ACTG2: variants seen among roughly 807,000 people sequenced by gnomAD.
ACTG2 encodes actin, gamma-enteric smooth muscle.
In ACTG2, 16 loss-of-function variants were observed where a neutral mutation model predicts 37.6. The observed-to-expected ratio is 0.43, with a 90% confidence interval of 0.29 to 0.65. ACTG2 has a LOEUF of 0.65. Among genes scored for constraint, ACTG2 ranks in the 30% least tolerant of loss-of-function variants. The pLI, the probability that ACTG2 is intolerant of heterozygous loss-of-function variation, is 0.18. For synonymous variants in ACTG2, 181 were observed against 179.9 expected, an observed-to-expected ratio of 1.01 and a Z score of -0.05; for missense variants, 238 against 490.9, an observed-to-expected ratio of 0.48 and a Z score of 4.87.
intron 3 of ACTG2, among the ~76,000 whole-genome samples, chr2:73,905,823 G>A (rs2104811763): frequency 6.6e-6 from 1 of 152,030 alleles, no homozygotes. Context: ...TATGCACAAA[G>A]ATAACTATCA....
intron 7 of ACTG2, 56 bp downstream of exon 7, chr2:73,914,927 G>C (rs907071403): frequency 3.9e-5 from 55 of 1,423,982 alleles, no homozygotes; most frequent in Non-Finnish European, 5.0e-5. Flanking sequence ...GGAGGAGTGG[G>C]TGAGGTATGG....
At chr2:73,919,220 C>T (rs912941081) in intron 8 of ACTG2, among the ~76,000 whole-genome samples, 1 of 152,324 alleles carries the variant, frequency 6.6e-6, no homozygotes, top group Middle Eastern at 3.4e-3. Context: ...ACACAATGCC[C>T]AGCCTTACAG....
chr2:73,900,491 C>T (rs547606207), intron 1 of ACTG2, among the ~76,000 whole-genome samples: 3 of 152,334 alleles, frequency 2.0e-5, no homozygotes, highest in South Asian at 4.1e-4. Context: ...CATCCCAGTT[C>T]GGATCTCAGC....
At chr2:73,900,573 T>TTCCTCTCTCC (rs1158399491) in intron 1 of ACTG2, among the ~76,000 whole-genome samples, 14 of 152,172 alleles carry the variant, frequency 9.2e-5, no homozygotes, top group African/African-American at 1.9e-4. Flanking sequence ...GTCCCTTCTT[T>TTCCTCTCTCC]TCCTCTCTCC....
chr2:73,902,035 G>C (rs930568421), intron 2 of ACTG2, among the ~76,000 whole-genome samples: 2 of 99,632 alleles, frequency 2.0e-5, no homozygotes, highest in African/African-American at 7.7e-5. Context: ...GTGTGTGTGT[G>C]TGTGTCTGTG....
chr2:73,919,823 A>G lies in ACTG2; in HGVS notation c.*248A>G. The G allele has an allele frequency of 3.0e-6, 1 of 334,712 alleles. No homozygotes were observed. 20.7% of individuals were successfully genotyped at this position (334,712 alleles called of 1,614,324 possible). A position where few individuals can be genotyped will look rare whatever the true frequency, so the allele number is the denominator to read the frequency against. On this transcript the variant is annotated 3_prime_UTR_variant, in exon 9 of 9. Coordinates refer to ENST00000345517, the MANE Select transcript of ACTG2 (RefSeq NM_001615.4). ...TCAGAGAAGTCAAGGACTTGCGAAG[A>G]TCACACAGATTCCAGATTAAAATTC...
At chr2:73,903,500 T>C (rs949460177) in intron 3 of ACTG2, among the ~76,000 whole-genome samples, 3 of 152,230 alleles carry the variant, frequency 2.0e-5, no homozygotes, top group African/African-American at 7.2e-5. Context: ...TTCCCATTTG[T>C]AAAGTGAAGA....
intron 6 of ACTG2, 32 bp downstream of exon 6, chr2:73,913,678 GCT>G (rs893736101): frequency 6.4e-7 from 1 of 1,573,898 alleles, no homozygotes; most frequent in African/African-American, 1.3e-5. Context: ...TCTGACTGGA[GCT>G]CAGAACCAAT....
At chr2:73,901,242 G>T (rs1632564) in intron 1 of ACTG2, 34 bp from the exon 2 acceptor site, 17 of 1,448,386 alleles carry the variant, frequency 1.2e-5, no homozygotes, top group South Asian at 1.4e-5. Flanking sequence ...TTTGACAAGT[G>T]GCTGACTAGT....
intron 1 of ACTG2, 86 bp from the exon 2 acceptor site, chr2:73,901,190 G>A (rs1340791965): frequency 4.4e-6 from 5 of 1,128,310 alleles, no homozygotes; most frequent in African/African-American, 1.6e-5. Flanking sequence ...CTGATTGCAG[G>A]TAGGGTCAGG....
intron 5 of ACTG2, among the ~76,000 whole-genome samples, chr2:73,912,248 C>G (rs1340851528): frequency 6.6e-6 from 1 of 152,224 alleles, no homozygotes; most frequent in East Asian, 1.9e-4. Context: ...ACCTCCACCT[C>G]CCGGGTTCAA....
At chr2:73,919,083 G>A (rs959374900) in intron 8 of ACTG2, among the ~76,000 whole-genome samples, 2 of 152,206 alleles carry the variant, frequency 1.3e-5, no homozygotes, top group East Asian at 3.8e-4. Flanking sequence ...AGGCTGAAGG[G>A]CTAGCTGCTT....
At position 73,913,517 on chromosome 2, in the gene ACTG2, CA is replaced by C; in HGVS notation, c.485del (p.His162ProfsTer30). ...CCTGGATTCAGGTGATGGCGTCACC[CA>C]CAATGTCCCCATCTATGAAGGCTAT... ...IVLDSGDGVT[H>X]NVPIYEGYAL... On this transcript the variant is annotated frameshift_variant, in exon 6 of 9. Transcript: ENST00000345517. LOFTEE classifies it high-confidence loss of function. 6.2e-7 allele frequency: 1 copy of C among 1,612,490 alleles called. No individual in the cohort carries two copies. The highest frequency in any genetic ancestry group is 1.1e-5 in the South Asian group (1 of 90,848).
chr2:73,915,433 T>C (rs542380820), intron 7 of ACTG2, among the ~76,000 whole-genome samples: 4 of 150,254 alleles, frequency 2.7e-5, no homozygotes, highest in African/African-American at 9.8e-5. Context: ...GGTGGGAGAA[T>C]CGCTTGAGCC....
rs34286914 is a variant in ACTG2 at position 73,913,489 on chromosome 2, C to T, written c.456C>T (p.Ile152=). The change falls in exon 6 of 9, where the codon ATC becomes ATT. Residue 152 remains isoleucine (I), a synonymous_variant. Coordinates refer to ENST00000345517, the MANE Select transcript of ACTG2 (RefSeq NM_001615.4). Reference sequence around the variant, plus strand: ...CCTGATCCTCTCTGTCCACAGGCATCGTCCTGGATTCAGGTGATGGCGTCA... The same window carrying T: ...CCTGATCCTCTCTGTCCACAGGCATTGTCCTGGATTCAGGTGATGGCGTCA... The part of the protein sequence containing the change: ...SLYASGRTTG[I]VLDSGDGVTH... 4.3e-3 allele frequency: 6,973 copies of T among 1,603,496 alleles called. 257 individuals carry two copies. In the African/African-American group the frequency reaches 0.081, roughly 19 times the overall value.
At chr2:73,908,393 G>A (rs992012787) in intron 3 of ACTG2, 1 of 540,608 alleles carries the variant, frequency 1.8e-6, no homozygotes, top group African/African-American at 1.9e-5. Context: ...CACAAAGGCA[G>A]GGGAGAGACT....
In ACTG2 at chr2:73,902,842, C is replaced by T. The variant is rs1558623226; in HGVS notation, c.255+354C>T. 2.3e-5 allele frequency: 32 copies of T among 1,412,252 alleles called. No homozygotes were observed. The East Asian group carries it at 2.7e-4, about 12-fold the overall frequency. 87.5% of individuals were successfully genotyped at this position (1,412,252 alleles called of 1,614,324 possible). A position where few individuals can be genotyped will look rare whatever the true frequency, so the allele number is the denominator to read the frequency against. Reference sequence around the variant, plus strand: ...AACCAACAGGGGGTTCCTAACTCCCCGTCTTGGCATTGGAGGACCTTTCCC... The same window carrying T: ...AACCAACAGGGGGTTCCTAACTCCCTGTCTTGGCATTGGAGGACCTTTCCC... On this transcript the variant is annotated intron_variant, in intron 3 of 8. Transcript: ENST00000345517.
intron 3 of ACTG2, among the ~76,000 whole-genome samples, chr2:73,903,511 T>TA (rs1244953981): frequency 1.3e-5 from 2 of 152,192 alleles, no homozygotes; most frequent in East Asian, 1.9e-4. Context: ...AAAGTGAAGA[T>TA]AAAAAACACT....
intron 5 of ACTG2, among the ~76,000 whole-genome samples, chr2:73,913,187 G>C (rs201683593): frequency 1.2e-5 from 1 of 80,884 alleles, no homozygotes; most frequent in African/African-American, 4.1e-5. Flanking sequence ...AAAAAAAAAA[G>C]AATATGCAAT....
Sources: allele counts gnomAD v4.1 joint callset (sites outside exome capture counted in the v4.1 genomes callset), GRCh38; gene constraint gnomAD v4.1.1; transcripts MANE v1.5; gene names NCBI Gene and HGNC (gene_info 2026-07-23, HGNC 2026-07-21).